The following SFMBT2 variants were observed in gnomAD, a reference collection of about 807,000 sequenced individuals.
The protein encoded by SFMBT2 is Scm like with four mbt domains 2, also known as scm-like with four MBT domains protein 2.
SFMBT2 carries 38 observed loss-of-function variants against 110.1 expected under a neutral mutation model. The observed-to-expected ratio is 0.35, with a 90% CI of 0.27 to 0.45. SFMBT2 has a LOEUF of 0.45. Ranked by LOEUF, SFMBT2 falls within the 20% of genes least tolerant of loss-of-function variation. The probability of loss-of-function intolerance (pLI) is 1.00; values close to 1 mark genes in which losing one functional copy is unlikely to be tolerated. For missense variants in SFMBT2, 1,011 were observed against 1,094.9 expected (o/e 0.92, Z 1.08); for synonymous variants, 425 against 425.4 (o/e 1.00, Z 0.01).
At chr10:7,183,588 G>T (rs1838306890) in intron 16 of SFMBT2, among the ~76,000 whole-genome samples, 1 of 152,176 alleles carries the variant, frequency 6.6e-6, no homozygotes, top group Non-Finnish European at 1.5e-5. Flanking sequence ...AATGGAGACT[G>T]CCATAAATTC....
chr10:7,203,203 T>G, intron 12 of SFMBT2: 1 of 812,282 alleles, frequency 1.2e-6, no homozygotes, highest in Non-Finnish European at 1.5e-6. Context: ...GCTGCTAGAG[T>G]CTGGCAGGTT....
intron 4 of SFMBT2, among the ~76,000 whole-genome samples, chr10:7,345,495 A>C (rs1272691694): frequency 6.6e-6 from 1 of 152,136 alleles, no homozygotes; most frequent in Admixed American, 6.5e-5. Context: ...AGTAGCTGGG[A>C]TTACAGGCAT....
intron 9 of SFMBT2, among the ~76,000 whole-genome samples, chr10:7,228,738 TTCTCTCTCTCTC>T (rs56871421): frequency 6.9e-4 from 43 of 62,534 alleles, no homozygotes; most frequent in African/African-American, 2.0e-3. Flanking sequence ...TTTCTTTCCT[TTCTCTCTCTCTC>T]TCTCTCTCTC....
At chr10:7,279,645 T>C (rs995715008) in intron 6 of SFMBT2, among the ~76,000 whole-genome samples, 1 of 152,242 alleles carries the variant, frequency 6.6e-6, no homozygotes, top group African/African-American at 2.4e-5. Context: ...TGCCAGTTTC[T>C]GTTTCTGGGA....
intron 4 of SFMBT2, among the ~76,000 whole-genome samples, chr10:7,299,235 T>C (rs1044560687): frequency 6.6e-6 from 1 of 152,014 alleles, no homozygotes; most frequent in Non-Finnish European, 1.5e-5. Flanking sequence ...AATTGACAAA[T>C]AGGTTCTAAT....
chr10:7,228,468 G>T, intron 9 of SFMBT2: 1 of 516,034 alleles, frequency 1.9e-6, no homozygotes, highest in Non-Finnish European at 2.5e-6. Flanking sequence ...AGGGTTTGGA[G>T]AGAAAAGCTC....
At chr10:7,375,161 G>A (rs747056952) in intron 2 of SFMBT2, among the ~76,000 whole-genome samples, 6 of 152,142 alleles carry the variant, frequency 3.9e-5, no homozygotes, top group Non-Finnish European at 7.4e-5. Flanking sequence ...TCCAGTTTTA[G>A]AAAACAGAAA....
At chr10:7,339,730 G>A (rs142999390) in intron 4 of SFMBT2, among the ~76,000 whole-genome samples, 1,693 of 152,274 alleles carry the variant, frequency 0.011, 17 homozygotes, top group Middle Eastern at 0.051. Context: ...GGCCAACTTC[G>A]TCATTCAGAG....
chr10:7,256,908 A>G (rs535052665), intron 7 of SFMBT2, among the ~76,000 whole-genome samples: 42 of 152,272 alleles, frequency 2.8e-4, no homozygotes, highest in African/African-American at 9.9e-4. Context: ...CCTGGCCTAC[A>G]TTATGAAACC....
chr10:7,355,120 T>G (rs1844463036), intron 4 of SFMBT2, among the ~76,000 whole-genome samples: 1 of 152,232 alleles, frequency 6.6e-6, no homozygotes, highest in Admixed American at 6.5e-5. Context: ...ATTCTTTTCA[T>G]CAAAATACGT....
intron 7 of SFMBT2, among the ~76,000 whole-genome samples, chr10:7,265,632 G>A (rs1841362517): frequency 6.6e-6 from 1 of 152,162 alleles, no homozygotes; most frequent in African/African-American, 2.4e-5. Flanking sequence ...GATTACAAAA[G>A]TGCCATCCTT....
intron 4 of SFMBT2, among the ~76,000 whole-genome samples, chr10:7,308,402 A>T (rs1008747881): frequency 2.0e-5 from 3 of 152,168 alleles, no homozygotes; most frequent in African/African-American, 7.2e-5. Flanking sequence ...ACCTATTAAA[A>T]GGCATGTTAC....
intron 20 of SFMBT2, among the ~76,000 whole-genome samples, chr10:7,165,915 G>A (rs905562932): frequency 2.6e-5 from 4 of 152,340 alleles, no homozygotes; most frequent in Admixed American, 6.5e-5. Flanking sequence ...AGAAACCAAG[G>A]GGACCTCTGG....
rs1842312350 is a variant in SFMBT2, at chr10:7,293,202, C to T, written c.437-7248G>A. 6.6e-6 allele frequency among the ~76,000 whole-genome samples: 1 copy of T among 152,050 alleles called. No individual in the cohort carries two copies. The highest frequency in any genetic ancestry group is 2.4e-5 in the African/African-American group (1 of 41,428). ...CAGCTGGGATTACAGGCACCCACCA[C>T]CATCTCCAGCCTCAGCTTCCCGAGT... is the stretch of plus-strand genomic sequence containing the variant. On this transcript the variant is annotated intron_variant, in intron 4 of 20. Coordinates refer to ENST00000397167, the MANE Select transcript of SFMBT2 (RefSeq NM_001387889.1). The surrounding 1 kb of genome is among the most constrained non-coding windows in gnomAD (Gnocchi z 4.6).
chr10:7,172,299 C>G lies in SFMBT2; in HGVS notation c.2152-141G>C. ...CCAGTGGTCCCACCCGTGGGCCCTA[C>G]GAGGCCCTTCCCAGCCAAAGCAGCT... is the stretch of plus-strand genomic sequence containing the variant. On this transcript the variant is annotated intron_variant, in intron 18 of 20. Transcript: ENST00000397167. This position sits in a 1 kb window ranked among gnomAD's most constrained non-coding sequence, Gnocchi z 4.6. 6.9e-7 allele frequency: 1 copy of G among 1,452,444 alleles called. No homozygotes were observed. Among genetic ancestry groups the G allele is most frequent in the Non-Finnish European group, 9.1e-7 (1 of 1,104,408 alleles). 90.0% of individuals were successfully genotyped at this position (1,452,444 alleles called of 1,614,324 possible).
intron 4 of SFMBT2, among the ~76,000 whole-genome samples, chr10:7,344,068 G>A (rs1844021342): frequency 6.6e-6 from 1 of 152,152 alleles, no homozygotes; most frequent in Admixed American, 6.5e-5. Context: ...AAGTAGTCAG[G>A]GGCTTTTTCG....
chr10:7,349,682 C>G (rs900113501), intron 4 of SFMBT2, among the ~76,000 whole-genome samples: 2 of 151,856 alleles, frequency 1.3e-5, no homozygotes, highest in African/African-American at 4.8e-5. Context: ...TGGTCTCAAA[C>G]TCCTGACCTA....
intron 1 of SFMBT2, among the ~76,000 whole-genome samples, chr10:7,404,034 C>G (rs550699405): frequency 6.6e-6 from 1 of 152,166 alleles, no homozygotes; most frequent in Non-Finnish European, 1.5e-5. Context: ...GATCATTCCA[C>G]ACTGTATGCT....
chr10:7,367,030 C>G lies in SFMBT2; in HGVS notation c.436+619G>C, dbSNP rs1394826777. ...TGGGCTTTGACCACTCCCTTGAGAC[C>G]AATGTCATTTCTCTCATCTGTATGG... On this transcript the variant is annotated intron_variant, in intron 4 of 20. Coordinates refer to ENST00000397167, the MANE Select transcript of SFMBT2 (RefSeq NM_001387889.1). The surrounding 1 kb of genome is among the most constrained non-coding windows in gnomAD (Gnocchi z 6.2). 1.3e-5 allele frequency among the ~76,000 whole-genome samples: 2 copies of G among 151,918 alleles called. No individual in the cohort carries two copies. Among genetic ancestry groups the G allele is most frequent in the African/African-American group, 4.8e-5 (2 of 41,368 alleles).
Sources: gnomAD v4.1 joint callset for allele counts (sites outside exome capture counted in the v4.1 genomes callset) on GRCh38, gnomAD v4.1.1 for gene constraint, Gnocchi (gnomAD v3.1) non-coding constraint, MANE v1.5 for transcripts, NCBI Gene and HGNC (gene_info 2026-07-23, HGNC 2026-07-21) for gene names.